Variants in NR1D1 observed in about 807,000 individuals in gnomAD.
The protein encoded by NR1D1 is nuclear receptor subfamily 1 group D member 1, also known as Rev-ErbAalpha.
A neutral mutation model predicts 51.1 loss-of-function variants in NR1D1; 17 were observed. That is an observed-to-expected ratio of 0.33 (90% CI 0.23 to 0.50). The LOEUF (loss-of-function observed/expected upper bound fraction) is 0.50, where lower values mean the gene tolerates loss of function less well. Among genes scored for constraint, NR1D1 ranks in the 20% least tolerant of loss-of-function variants. The pLI is 0.98. For missense variants in NR1D1, 647 were observed against 830.4 expected (o/e 0.78, Z 2.71); for synonymous variants, 341 against 333.4 (o/e 1.02, Z -0.25).
In NR1D1 at chr17:40,093,602, C is replaced by G. The variant is rs992637954; in HGVS notation, c.1645+310G>C. Reference sequence around the variant, plus strand: ...TCCCTCTGCCTGGGATGCCCTTCCCCCTTTCTCTGCCTGGCAACATCTTAC... The same window carrying G: ...TCCCTCTGCCTGGGATGCCCTTCCCGCTTTCTCTGCCTGGCAACATCTTAC... On this transcript the variant is annotated intron_variant, in intron 7 of 7. Coordinates refer to ENST00000246672, the MANE Select transcript of NR1D1 (RefSeq NM_021724.5). This position sits in a 1 kb window ranked among gnomAD's most constrained non-coding sequence, Gnocchi z 5.9. The G allele has an allele frequency of 6.7e-6, 5 of 741,606 alleles. No individual in the cohort carries two copies. The highest frequency in any genetic ancestry group is 2.9e-5 in the Admixed American group (1 of 34,072). 45.9% of individuals were successfully genotyped at this position (741,606 alleles called of 1,614,324 possible).
Position 40,093,877 on chromosome 17 carries a change from C to T in NR1D1, c.1645+35G>A, listed in dbSNP as rs551820505. The T allele has an allele frequency of 1.3e-6, 2 of 1,597,978 alleles. No individual in the cohort carries two copies. Among genetic ancestry groups the T allele is most frequent in the East Asian group, 4.5e-5 (2 of 44,810 alleles). ...GGTGTGTTGAATTGAACTGCGTCTG[C>T]CTCCTCCCCCGGGTCAGGCGAGAGC... On this transcript the variant is annotated intron_variant, in intron 7 of 7. Transcript: ENST00000246672. The surrounding 1 kb of genome is among the most constrained non-coding windows in gnomAD (Gnocchi z 5.9).
rs201244764 is a variant in NR1D1, at chr17:40,093,921, C to G, written c.1636G>C (p.Val546Leu). Residue 546 changes from valine (V) to leucine (L), a missense_variant, in exon 7 of 8, where the codon GTC becomes CTC. Physicochemically the swap from Val to Leu is conservative, Grantham distance 32. Coordinates refer to ENST00000246672, the MANE Select transcript of NR1D1 (RefSeq NM_021724.5). This position sits in a 1 kb window ranked among gnomAD's most constrained non-coding sequence, Gnocchi z 5.9. ...CGAGAGCCTGACCTACCTGCAGAGACAAGCACCACCGCGGTGAAGAGGCCC... is the reference window on the plus strand; with the variant it reads ...CGAGAGCCTGACCTACCTGCAGAGAGAAGCACCACCGCGGTGAAGAGGCCC... ...ELGLFTAVVL[V>L]SADRSGMENS... 6.2e-7 allele frequency: 1 copy of G among 1,613,098 alleles called. No individual in the cohort carries two copies. Among genetic ancestry groups the G allele is most frequent in the South Asian group, 1.1e-5 (1 of 91,050 alleles).
At chr17:40,096,616 C>T (rs1987768250) in intron 3 of NR1D1, 29 bp from the exon 4 acceptor site, 1 of 1,613,656 alleles carries the variant, frequency 6.2e-7, no homozygotes, top group Non-Finnish European at 8.5e-7. Context: ...TAGTGACCAC[C>T]TCCATCATGG....
In NR1D1 at chr17:40,093,461, C is replaced by A; in HGVS notation, c.1646-179G>T. 1 of 1,501,476 alleles carries A rather than the reference C, an allele frequency of 6.7e-7. No individual in the cohort carries two copies. Among genetic ancestry groups the A allele is most frequent in the Non-Finnish European group, 8.9e-7 (1 of 1,122,862 alleles). The allele number at this position is 1,501,476 out of a possible 1,614,324, so 93.0% of individuals were successfully genotyped here. A position where few individuals can be genotyped will look rare whatever the true frequency, so the allele number is the denominator to read the frequency against. ...GCCTCTGCCCCAAGAGCAGGAGGTGCCTGAAAGCTGGGAGCGTGGGCTCAG... is the reference window on the plus strand; with the variant it reads ...GCCTCTGCCCCAAGAGCAGGAGGTGACTGAAAGCTGGGAGCGTGGGCTCAG... On this transcript the variant is annotated intron_variant, in intron 7 of 7. Transcript: ENST00000246672. The surrounding 1 kb of genome is among the most constrained non-coding windows in gnomAD (Gnocchi z 5.9).
chr17:40,098,985 C>T (rs972908827), intron 1 of NR1D1, among the ~76,000 whole-genome samples: 2 of 148,930 alleles, frequency 1.3e-5, no homozygotes, highest in Non-Finnish European at 3.0e-5. Context: ...TCAGGAATGG[C>T]TCCATGTTAC....
rs927847213 is a variant in NR1D1 at position 40,097,522 on chromosome 17, G to A, written c.32-119C>T. 1.7e-5 allele frequency: 13 copies of A among 768,326 alleles called. No homozygotes were observed. The African/African-American group carries it at 1.9e-4, about 11-fold the overall frequency. 47.6% of individuals were successfully genotyped at this position (768,326 alleles called of 1,614,324 possible). A position where few individuals can be genotyped will look rare whatever the true frequency, so the allele number is the denominator to read the frequency against. ...TTGCTGGCCACTCAGTTCACCATGT[G>A]GAGCCCCTAATCTTGGAGTTAATAA... is the stretch of plus-strand genomic sequence containing the variant. On this transcript the variant is annotated intron_variant, in intron 1 of 7. Transcript: ENST00000246672.
In NR1D1 at chr17:40,097,417, A is replaced by G; in HGVS notation, c.32-14T>C. The G allele has an allele frequency of 1.3e-6, 2 of 1,587,046 alleles. No homozygotes were observed. The highest frequency in any genetic ancestry group is 1.7e-6 in the Non-Finnish European group (2 of 1,166,932). On this transcript the variant is annotated splice_polypyrimidine_tract_variant and intron_variant, in intron 1 of 7. Transcript: ENST00000246672. Reference sequence around the variant, plus strand: ...TGATGACGCCACCTGGAGAGAGAACAAAAGGAAAGGGGGTGTCAGCCGCCA... The same window carrying G: ...TGATGACGCCACCTGGAGAGAGAACGAAAGGAAAGGGGGTGTCAGCCGCCA...
At chr17:40,096,879 A>G (rs1043970765) in intron 2 of NR1D1, 100 bp from the exon 3 acceptor site, 1 of 1,328,356 alleles carries the variant, frequency 7.5e-7, no homozygotes, top group Non-Finnish European at 1.1e-6. Flanking sequence ...GGAAAAGCTA[A>G]GGAGGAACTC....
chr17:40,098,018 C>CCT (rs1987799251), intron 1 of NR1D1, among the ~76,000 whole-genome samples: 1 of 152,158 alleles, frequency 6.6e-6, no homozygotes, highest in Non-Finnish European at 1.5e-5. Flanking sequence ...GGAGTCTATC[C>CCT]CTGTGTCCAA....
chr17:40,098,812 AAGG>A (rs1192462592), intron 1 of NR1D1, among the ~76,000 whole-genome samples: 2 of 152,178 alleles, frequency 1.3e-5, no homozygotes, highest in African/African-American at 4.8e-5. Flanking sequence ...TCGCAGAACT[AAGG>A]AGAGAGAAGC....
chr17:40,097,159 G>A lies in NR1D1; in HGVS notation c.276C>T (p.Ser92=), dbSNP rs761654656. The change falls in exon 2 of 8, where the codon TCC becomes TCT. Residue 92 remains serine, a synonymous_variant. Coordinates refer to ENST00000246672, the MANE Select transcript of NR1D1 (RefSeq NM_021724.5). ...CAGGGGGGCTCCCATTATAGAAGGA[G>A]GAGGAGGATGACGACGAGGAAGATG... ...SSSSSSSSSS[S]SFYNGSPPGS... 3.7e-6 allele frequency: 6 copies of A among 1,611,888 alleles called. No individual in the cohort carries two copies. The African/African-American group carries it at 6.7e-5, about 18-fold the overall frequency.
intron 2 of NR1D1, 23 bp from the exon 3 acceptor site, chr17:40,096,802 G>T (rs1329143146): frequency 6.2e-7 from 1 of 1,611,496 alleles, no homozygotes; most frequent in Non-Finnish European, 8.5e-7. Context: ...CGGGCAGCAG[G>T]TGAGCAGGAG....
intron 1 of NR1D1, among the ~76,000 whole-genome samples, chr17:40,097,835 T>C (rs1043536192): frequency 9.2e-5 from 14 of 152,234 alleles, no homozygotes; most frequent in African/African-American, 3.4e-4. Context: ...ATTCCAGGAA[T>C]GAGACCATGG....
In NR1D1 at chr17:40,099,044, A is replaced by G. The variant is rs992344445; in HGVS notation, c.31+1020T>C. ...GGCCGGGCAGGCGGACCGGAAAAGG[A>G]GGCAGGCGGGGGCGGTGAGTCAGCC... On this transcript the variant is annotated intron_variant, in intron 1 of 7. Transcript: ENST00000246672. Among the ~76,000 whole-genome samples, 4 of 123,764 alleles carry G rather than the reference A, an allele frequency of 3.2e-5. No homozygotes were observed. The Admixed American group carries it at 3.4e-4, about 10-fold the overall frequency. 81.2% of individuals were successfully genotyped at this position (123,764 alleles called of 152,430 possible).
intron 6 of NR1D1, 145 bp downstream of exon 6, chr17:40,094,790 T>G (rs1987712910): frequency 1.4e-6 from 1 of 697,822 alleles, no homozygotes; most frequent in East Asian, 2.8e-5. Context: ...CCCAGCTACT[T>G]GGAAGGCTGA....
intron 1 of NR1D1, 113 bp downstream of exon 1, chr17:40,099,951 T>C: frequency 2.5e-6 from 2 of 812,000 alleles, no homozygotes; most frequent in South Asian, 1.4e-5. Context: ...CGTTAGCAAA[T>C]CTCCGGGCCG....
chr17:40,096,421 G>A (rs757670798), intron 4 of NR1D1, 22 bp downstream of exon 4: 3 of 1,613,968 alleles, frequency 1.9e-6, no homozygotes, highest in African/African-American at 2.7e-5. Flanking sequence ...GAAGGGGGGA[G>A]GATGTGGGGA....
chr17:40,100,588 C>G lies in NR1D1; in HGVS notation c.-494G>C, dbSNP rs1987859890. 1 of 414,352 alleles carries G rather than the reference C, an allele frequency of 2.4e-6. No individual in the cohort carries two copies. The highest frequency in any genetic ancestry group is 4.3e-6 in the Non-Finnish European group (1 of 234,436). 25.7% of individuals were successfully genotyped at this position (414,352 alleles called of 1,614,324 possible). On this transcript the variant is annotated 5_prime_UTR_variant, in exon 1 of 8. Coordinates refer to ENST00000246672, the MANE Select transcript of NR1D1 (RefSeq NM_021724.5). ...GTTCCCTCGGCAGTAATATTTCACT[C>G]TGCCAATCTCAGCCGCCTTTTGCCC...
In NR1D1 at chr17:40,096,439, T is replaced by C. The variant is rs752056260; in HGVS notation, c.604+4A>G. On this transcript the variant is annotated splice_donor_region_variant and intron_variant, in intron 4 of 7. Transcript: ENST00000246672. Reference sequence around the variant, plus strand: ...GGGGGGAGGATGTGGGGATGCTGCCTCACCGTCTCGAGACATGCCCACAGA... The same window carrying C: ...GGGGGGAGGATGTGGGGATGCTGCCCCACCGTCTCGAGACATGCCCACAGA... 1.2e-6 allele frequency: 2 copies of C among 1,614,206 alleles called. No homozygotes were observed. The highest frequency in any genetic ancestry group is 1.7e-6 in the Non-Finnish European group (2 of 1,180,012).
Sources: gnomAD v4.1 joint callset for allele counts (sites outside exome capture counted in the v4.1 genomes callset) on GRCh38, gnomAD v4.1.1 for gene constraint, Gnocchi (gnomAD v3.1) non-coding constraint, MANE v1.5 for transcripts, NCBI Gene and HGNC (gene_info 2026-07-23, HGNC 2026-07-21) for gene names.